DYSF: variants seen among roughly 807,000 people sequenced by gnomAD.
DYSF encodes dystrophy-associated fer-1-like 1.
Under a neutral mutation model 274.9 loss-of-function variants are expected in DYSF, and 212 were observed. That is an observed-to-expected ratio of 0.77 (90% CI 0.69 to 0.86). The LOEUF (loss-of-function observed/expected upper bound fraction) is 0.86, where lower values mean the gene tolerates loss of function less well. DYSF is among the 40% of genes least tolerant of loss of function. The probability of loss-of-function intolerance (pLI) is 0.00; values close to 1 mark genes in which losing one functional copy is unlikely to be tolerated. For synonymous variants in DYSF, 1,091 were observed against 1,078.7 expected (o/e 1.01, Z -0.22); for missense variants, 2,666 against 2,783.2 (o/e 0.96, Z 0.95).
intron 12 of DYSF, among the ~76,000 whole-genome samples, chr2:71,522,784 C>T (rs1432193242): frequency 1.3e-5 from 2 of 152,144 alleles, no homozygotes; most frequent in African/African-American, 2.4e-5. Flanking sequence ...TTCCCCATCC[C>T]GTATTAGGTG....
intron 3 of DYSF, among the ~76,000 whole-genome samples, chr2:71,485,847 T>G (rs1006330080): frequency 5.3e-5 from 8 of 152,196 alleles, no homozygotes; most frequent in Non-Finnish European, 1.0e-4. Flanking sequence ...GGAGTCTTGC[T>G]CTGTTGCCCA....
At chr2:71,596,431 G>A (rs554149272) in intron 32 of DYSF, among the ~76,000 whole-genome samples, 25 of 152,294 alleles carry the variant, frequency 1.6e-4, no homozygotes, top group African/African-American at 5.3e-4. Context: ...GGGCTTTTTC[G>A]CTGGCTCTCT....
chr2:71,551,626 G>T lies in DYSF; in HGVS notation c.1712G>T (p.Arg571Leu). Reference protein sequence around the residue: ...NTGKGEGVAYRGRLLLSLETK... With the variant: ...NTGKGEGVAYLGRLLLSLETK... ...TGGCAGGGGGAAGGTGTGGCTTATC[G>T]TGGCCGGCTTCTGCTCTCCCTGGAG... Residue 571 changes from arginine to leucine, a missense_variant, in exon 19 of 56, where the codon CGT (arginine) becomes CTT (leucine). Arg to Leu is a moderately radical substitution (Grantham distance 102). Transcript: ENST00000410020. The T allele has an allele frequency of 6.2e-7, 1 of 1,608,140 alleles. No individual in the cohort carries two copies.
chr2:71,455,406 C>T (rs1439725306), intron 1 of DYSF, among the ~76,000 whole-genome samples: 1 of 152,188 alleles, frequency 6.6e-6, no homozygotes, highest in Admixed American at 6.5e-5. Flanking sequence ...GTGGCTGTGG[C>T]ACTCCAGCTG....
intron 12 of DYSF, 37 bp downstream of exon 12, chr2:71,520,941 C>G: frequency 7.5e-6 from 12 of 1,594,650 alleles, no homozygotes; most frequent in Non-Finnish European, 1.0e-5. Flanking sequence ...TACGGTCCCC[C>G]ACGCGGCACT....
chr2:71,670,953 C>G (rs912296728), intron 51 of DYSF, among the ~76,000 whole-genome samples: 1 of 152,152 alleles, frequency 6.6e-6, no homozygotes, highest in Non-Finnish European at 1.5e-5. Context: ...GCCCGATTTC[C>G]TTCCAGAGGT....
rs547522827 is a variant in DYSF at position 71,625,469 on chromosome 2, T to A, written c.4527+4860T>A. ...TCCACAGTGACAGCTGTGTCATTTGTTGGGTTTCCATATAAGTGTGGGCTA... is the reference window on the plus strand; with the variant it reads ...TCCACAGTGACAGCTGTGTCATTTGATGGGTTTCCATATAAGTGTGGGCTA... On this transcript the variant is annotated intron_variant, in intron 41 of 55. Coordinates refer to ENST00000410020, the MANE Select transcript of DYSF (RefSeq NM_001130987.2). 2.6e-5 allele frequency among the ~76,000 whole-genome samples: 4 copies of A among 152,288 alleles called. No individual in the cohort carries two copies. The South Asian group carries it at 8.3e-4, about 32-fold the overall frequency.
At chr2:71,656,451 T>G (rs2152938081) in intron 43 of DYSF, among the ~76,000 whole-genome samples, 161 bp downstream of exon 43, 1 of 152,070 alleles carries the variant, frequency 6.6e-6, no homozygotes, top group Middle Eastern at 3.4e-3. Flanking sequence ...TGACGCAGAA[T>G]CTGACTGGTG....
At chr2:71,543,993 CCTT>C (rs1363284329) in intron 17 of DYSF, among the ~76,000 whole-genome samples, 9 of 150,888 alleles carry the variant, frequency 6.0e-5, no homozygotes, top group African/African-American at 2.2e-4. Flanking sequence ...AGGGCTCAAG[CCTT>C]CTTTTTTCCC....
rs1258412442 is a variant in DYSF, at chr2:71,679,147, C to T, written c.5975C>T (p.Pro1992Leu). The change falls in exon 53 of 56, where the codon CCA (proline) becomes CTA (leucine). Residue 1992 changes from proline to leucine, a missense_variant. Coordinates refer to ENST00000410020, the MANE Select transcript of DYSF (RefSeq NM_001130987.2). ...GACCAGCTGGATGATGCTTTCCACC[C>T]AGAATGGTTTGTGTCCCTTTTTGAG... Reference protein sequence around the residue: ...SLDQLDDAFHPEWFVSLFEQK... With the variant: ...SLDQLDDAFHLEWFVSLFEQK... The T allele has an allele frequency of 6.2e-7, 1 of 1,614,070 alleles. No individual in the cohort carries two copies. The highest frequency in any genetic ancestry group is 1.1e-5 in the South Asian group (1 of 91,068).
intron 41 of DYSF, among the ~76,000 whole-genome samples, chr2:71,622,130 G>GTGTTTTTTTTTTTT (rs775688599): frequency 1.1e-4 from 11 of 97,004 alleles, no homozygotes; most frequent in African/African-American, 3.9e-4. Context: ...TGATTTCTTT[G>GTGTTTTTTTTTTTT]TTTTTTTTTT....
At chr2:71,493,241 T>G (rs1346889525) in intron 3 of DYSF, among the ~76,000 whole-genome samples, 2 of 152,154 alleles carry the variant, frequency 1.3e-5, no homozygotes. Context: ...TGTTAATGGA[T>G]GAAATAATGT....
chr2:71,653,774 A>G (rs1239755998), intron 42 of DYSF, among the ~76,000 whole-genome samples: 1 of 152,128 alleles, frequency 6.6e-6, no homozygotes, highest in Non-Finnish European at 1.5e-5. Context: ...ACAGACCTGC[A>G]CATTGTGCAC....
intron 42 of DYSF, among the ~76,000 whole-genome samples, chr2:71,650,158 C>G (rs2094631099): frequency 6.6e-6 from 1 of 152,136 alleles, no homozygotes; most frequent in Non-Finnish European, 1.5e-5. Context: ...ATTCCCTTCT[C>G]TCAGTTCATG....
At chr2:71,516,380 G>A in intron 9 of DYSF, 138 bp downstream of exon 9, 3 of 842,672 alleles carry the variant, frequency 3.6e-6, no homozygotes, top group Non-Finnish European at 5.9e-6. Flanking sequence ...GTGCCTGTCG[G>A]TGTGTATGTG....
In DYSF at chr2:71,567,966, G is replaced by A. The variant is rs201754947; in HGVS notation, c.2581G>A (p.Val861Met). 6.2e-7 allele frequency: 1 copy of A among 1,614,038 alleles called. No individual in the cohort carries two copies. Among genetic ancestry groups the A allele is most frequent in the East Asian group, 2.2e-5 (1 of 44,888 alleles). The change falls in exon 25 of 56, where the codon GTG (valine) becomes ATG (methionine). Residue 861 changes from valine to methionine, a missense_variant. By Grantham distance (21) the Val-to-Met change is conservative. Transcript: ENST00000410020. Reference protein sequence around the residue: ...TIFLKYPMEKVPGARMPVQIR... With the variant: ...TIFLKYPMEKMPGARMPVQIR... ...TGGTACCCAGTATCCGATGGAGAAG[G>A]TGCCTGGCGCCCGGATGCCAGTGCA...
chr2:71,658,759 C>T lies in DYSF; in HGVS notation c.4756-119C>T, dbSNP rs2094823979. On this transcript the variant is annotated intron_variant, in intron 43 of 55. Coordinates refer to ENST00000410020, the MANE Select transcript of DYSF (RefSeq NM_001130987.2). ...GATTCAATTATCTCCTCCTGGGTCC[C>T]TCCCACAACATGTGGGAATTCTGGG... 17 of 1,270,584 alleles carry T rather than the reference C, an allele frequency of 1.3e-5. No homozygotes were observed. The South Asian group carries it at 1.8e-4, about 13-fold the overall frequency. The allele number at this position is 1,270,584 out of a possible 1,614,324, so 78.7% of individuals were successfully genotyped here.
chr2:71,556,168 T>A, intron 22 of DYSF, 97 bp downstream of exon 22: 1 of 1,039,248 alleles, frequency 9.6e-7, no homozygotes, highest in Non-Finnish European at 1.4e-6. Context: ...CAGTGGCACG[T>A]CTCCCAGCCA....
intron 39 of DYSF, 65 bp downstream of exon 39, chr2:71,612,871 C>G: frequency 6.5e-7 from 1 of 1,549,250 alleles, no homozygotes; most frequent in Non-Finnish European, 8.8e-7. Context: ...GCTACCCTTC[C>G]TAGTTGAGAT....
Sources: gnomAD v4.1 joint callset for allele counts (sites outside exome capture counted in the v4.1 genomes callset) on GRCh38, gnomAD v4.1.1 for gene constraint, MANE v1.5 for transcripts, NCBI Gene and HGNC (gene_info 2026-07-23, HGNC 2026-07-21) for gene names.